TRPV1: variants seen among roughly 807,000 people sequenced by gnomAD.
TRPV1 encodes the protein OTRPC1.
TRPV1 carries 82 observed loss-of-function variants against 82.3 expected under a neutral mutation model. The ratio of observed to expected loss-of-function variants is 1.00; its 90% CI spans 0.83 to 1.20. The LOEUF is 1.20. Ranked by LOEUF, TRPV1 falls within the 50% of genes most tolerant of loss-of-function variation. TRPV1 has a pLI of 0.00. For synonymous variants in TRPV1, 515 were observed against 467.7 expected, an observed-to-expected ratio of 1.10 and a Z score of -1.30; for missense variants, 1,067 against 1,096.8, an observed-to-expected ratio of 0.97 and a Z score of 0.38.
At chr17:3,600,138 TAA>T (rs1415499357) in intron 2 of TRPV1, among the ~76,000 whole-genome samples, 1 of 152,186 alleles carries the variant, frequency 6.6e-6, no homozygotes, top group Non-Finnish European at 1.5e-5. Flanking sequence ...CTGTCATATA[TAA>T]AAGACTCAGC....
intron 3 of TRPV1, 92 bp from the exon 4 acceptor site, chr17:3,591,445 A>G: frequency 2.8e-6 from 4 of 1,432,496 alleles, no homozygotes; most frequent in South Asian, 2.8e-5. Flanking sequence ...ACTAAATCCC[A>G]AGGCAAACCA....
intron 10 of TRPV1, among the ~76,000 whole-genome samples, chr17:3,581,886 GA>G (rs36150459): frequency 0.34 from 36,541 of 107,850 alleles, 7,117 homozygotes; most frequent in East Asian, 0.79. Flanking sequence ...CTCCATCTCA[GA>G]AAAAAAAAAA....
At chr17:3,599,139 T>C (rs1025564645) in intron 2 of TRPV1, among the ~76,000 whole-genome samples, 1 of 151,808 alleles carries the variant, frequency 6.6e-6, no homozygotes, top group Non-Finnish European at 1.5e-5. Context: ...TTCGGGAGAC[T>C]GAGGCAGGAG....
intron 3 of TRPV1, among the ~76,000 whole-genome samples, chr17:3,591,630 G>A (rs1403116060): frequency 1.3e-5 from 2 of 152,174 alleles, no homozygotes; most frequent in Non-Finnish European, 2.9e-5. Flanking sequence ...GCCTGCTCGG[G>A]AGCTCGGGAG....
intron 13 of TRPV1, among the ~76,000 whole-genome samples, chr17:3,576,668 A>AAAAAAAATATATAT: frequency 2.6e-5 from 1 of 38,422 alleles, no homozygotes; most frequent in Non-Finnish European, 5.3e-5. Flanking sequence ...AAAAAAAAAA[A>AAAAAAAATATATAT]ATATATATAT....
Position 3,572,156 on chromosome 17 carries a change from G to A in TRPV1, c.2197C>T (p.Pro733Ser), listed in dbSNP as rs1488272423. ...SGKLLQVGYT[P>S]DGKDDYRWCF... ...CACCGGTAGTCGTCCTTGCCATCAG[G>A]TGTGTACCCCACCTGCAGCAGCTTG... The change falls in exon 15 of 17, where the codon CCT (proline) becomes TCT (serine). Residue 733 changes from proline to serine, a missense_variant. Coordinates refer to ENST00000572705, the MANE Select transcript of TRPV1 (RefSeq NM_080704.4). 6 of 1,613,620 alleles carry A rather than the reference G, an allele frequency of 3.7e-6. No homozygotes were observed. Among genetic ancestry groups the A allele is most frequent in the Admixed American group, 1.7e-5 (1 of 59,976 alleles).
At chr17:3,573,276 G>C (rs1385856327) in intron 14 of TRPV1, among the ~76,000 whole-genome samples, 2 of 152,124 alleles carry the variant, frequency 1.3e-5, no homozygotes, top group Non-Finnish European at 2.9e-5. Context: ...CTGTCGGGCT[G>C]AGCCCTCCCC....
At position 3,590,340 on chromosome 17, in the gene TRPV1, G is replaced by T; in HGVS notation, c.657C>A (p.Thr219=). The T allele has an allele frequency of 1.2e-6, 2 of 1,613,976 alleles. No homozygotes were observed. The change falls in exon 6 of 17, where the codon ACC becomes ACA. Residue 219 remains threonine, a synonymous_variant. Coordinates refer to ENST00000572705, the MANE Select transcript of TRPV1 (RefSeq NM_080704.4). ...CGTCTGCTCCGTTCTCCACCAGGAG[G>T]GTCACCAGGGCCATGTTGCGTCTCT... is the stretch of plus-strand genomic sequence containing the variant. ...AIERRNMALV[T]LLVENGADVQ...
At chr17:3,605,147 T>C (rs1464187510) in intron 2 of TRPV1, among the ~76,000 whole-genome samples, 1 of 152,178 alleles carries the variant, frequency 6.6e-6, no homozygotes, top group Non-Finnish European at 1.5e-5. Flanking sequence ...TGATCTCAGG[T>C]AAGTTACTTA....
chr17:3,584,046 G>A (rs984370384), intron 9 of TRPV1, among the ~76,000 whole-genome samples: 8 of 151,618 alleles, frequency 5.3e-5, no homozygotes, highest in South Asian at 4.2e-4. Context: ...CGAGGCGGGC[G>A]GATCACCTGA....
intron 2 of TRPV1, among the ~76,000 whole-genome samples, chr17:3,602,894 G>T (rs2075273848): frequency 6.6e-6 from 1 of 152,200 alleles, no homozygotes; most frequent in Non-Finnish European, 1.5e-5. Context: ...GGCCGAGGCG[G>T]GTGGATCGCC....
chr17:3,583,271 T>TG (rs2075044087), intron 10 of TRPV1, 67 bp downstream of exon 10: 3 of 1,359,142 alleles, frequency 2.2e-6, no homozygotes, highest in Non-Finnish European at 2.1e-6. Context: ...GAGTGAGCGC[T>TG]GAGGGATCTT....
Position 3,591,259 on chromosome 17 carries a change from A to G in TRPV1, c.379T>C (p.Cys127Arg). ...AGCAGCAGGCTCTCCAGATCCTGGC[A>G]GTTATTCTGAGCAACGGCTTCAAAG... ...SIFEAVAQNN[C>R]QDLESLLLFL... The change falls in exon 4 of 17, where the codon TGC (cysteine) becomes CGC (arginine). Residue 127 changes from cysteine (C) to arginine (R), a missense_variant. Physicochemically the swap from Cys to Arg is radical, Grantham distance 180. Transcript: ENST00000572705. The G allele has an allele frequency of 6.2e-7, 1 of 1,613,224 alleles. No homozygotes were observed. Among genetic ancestry groups the G allele is most frequent in the Non-Finnish European group, 8.5e-7 (1 of 1,179,824 alleles).
intron 13 of TRPV1, among the ~76,000 whole-genome samples, chr17:3,576,690 TGC>T (rs2074936692): frequency 9.8e-6 from 1 of 101,948 alleles, no homozygotes; most frequent in East Asian, 3.6e-4. Context: ...TATATATATA[TGC>T]ATAAAAACTA....
rs1172339980 is a variant in TRPV1 at position 3,590,025 on chromosome 17, C to T, written c.826G>A (p.Ala276Thr). Reference sequence around the variant, plus strand: ...ACCGAGTCCCTGGCGCTGATGTCGGCCGTCTGCCAGGAGTTCTGCAGCAGG... The same window carrying T: ...ACCGAGTCCCTGGCGCTGATGTCGGTCGTCTGCCAGGAGTTCTGCAGCAGG... ...KFLLQNSWQT[A>T]DISARDSVGN... Residue 276 changes from alanine to threonine, a missense_variant, in exon 7 of 17, where the codon GCC (alanine) becomes ACC (threonine). By Grantham distance (58) the Ala-to-Thr change is moderately conservative. Coordinates refer to ENST00000572705, the MANE Select transcript of TRPV1 (RefSeq NM_080704.4). 1.3e-6 allele frequency: 2 copies of T among 1,571,526 alleles called. No homozygotes were observed. The highest frequency in any genetic ancestry group is 1.2e-5 in the South Asian group (1 of 86,112).
At position 3,588,227 on chromosome 17, in the gene TRPV1, C is replaced by T. The variant is rs748273244; in HGVS notation, c.1185G>A (p.Ser395=). Reference sequence around the variant, plus strand: ...TGCTGTAGGCGATCACCTCCAGCACCGAGTTCTTCTCGCAGGTGTCGATGC... The same window carrying T: ...TGCTGTAGGCGATCACCTCCAGCACTGAGTTCTTCTCGCAGGTGTCGATGC... ...LSCIDTCEKN[S]VLEVIAYSSS... The change falls in exon 8 of 17, where the codon TCG becomes TCA. Residue 395 remains serine (S), a synonymous_variant. Coordinates refer to ENST00000572705, the MANE Select transcript of TRPV1 (RefSeq NM_080704.4). The T allele has an allele frequency of 1.0e-5, 16 of 1,577,308 alleles. No homozygotes were observed. The highest frequency in any genetic ancestry group is 2.3e-5 in the South Asian group (2 of 85,650).
chr17:3,586,679 G>T (rs559778000), intron 8 of TRPV1, among the ~76,000 whole-genome samples: 15 of 152,268 alleles, frequency 9.9e-5, no homozygotes, highest in African/African-American at 3.6e-4. Context: ...GCTGAGGTGG[G>T]AGAACTGCTT....
rs1284953389 is a variant in TRPV1 at position 3,588,210 on chromosome 17, G to T, written c.1202C>A (p.Ala401Asp). ...CEKNSVLEVI[A>D]YSSSETPNRH... is the part of the protein sequence containing the mutation. ...CACAGGGGTCTCGCTGCTGCTGTAG[G>T]CGATCACCTCCAGCACCGAGTTCTT... is the stretch of plus-strand genomic sequence containing the variant. Residue 401 changes from alanine to aspartate, a missense_variant, in exon 8 of 17, where the codon GCC (alanine) becomes GAC (aspartate). By Grantham distance (126) the Ala-to-Asp change is moderately radical (BLOSUM62 -2). Transcript: ENST00000572705. 3.2e-6 allele frequency: 5 copies of T among 1,569,670 alleles called. No individual in the cohort carries two copies. In the African/African-American group the frequency reaches 6.8e-5, roughly 21 times the overall value.
intron 16 of TRPV1, among the ~76,000 whole-genome samples, chr17:3,568,260 T>C (rs188953510): frequency 1.6e-4 from 24 of 148,738 alleles, no homozygotes; most frequent in African/African-American, 6.0e-4. Context: ...AGGTGGAGCT[T>C]GCAGTGAGCC....
Sources: allele counts gnomAD v4.1 joint callset (sites outside exome capture counted in the v4.1 genomes callset), GRCh38; gene constraint gnomAD v4.1.1; transcripts MANE v1.5; gene names NCBI Gene and HGNC (gene_info 2026-07-23, HGNC 2026-07-21).